Variants in NELL2 observed in about 807,000 individuals in gnomAD.
The protein encoded by NELL2 is protein kinase C-binding protein NELL2.
In NELL2, 41 loss-of-function variants were observed where a neutral mutation model predicts 109.6. The observed-to-expected ratio is 0.37, with a 90% CI of 0.29 to 0.49. NELL2 has a LOEUF of 0.49. Among genes scored for constraint, NELL2 ranks in the 20% least tolerant of loss-of-function variants. The pLI is 0.98. For synonymous variants in NELL2, 355 were observed against 344.7 expected (o/e 1.03, Z -0.33); for missense variants, 900 against 1,008.3 (o/e 0.89, Z 1.45).
chr12:44,881,738 G>A (rs1202704477), intron 1 of NELL2: 1 of 151,954 alleles, frequency 6.6e-6, no homozygotes. Context: ...AAGAAAGAAT[G>A]TTCTAAGATG....
At chr12:44,617,282 T>C (rs1945854286) in intron 13 of NELL2, among the ~76,000 whole-genome samples, 2 of 152,162 alleles carry the variant, frequency 1.3e-5, no homozygotes, top group Non-Finnish European at 1.5e-5. Context: ...ATAGTACATA[T>C]TCTAATTTCC....
At chr12:44,731,916 C>A (rs369401543) in intron 9 of NELL2, among the ~76,000 whole-genome samples, 1 of 151,796 alleles carries the variant, frequency 6.6e-6, no homozygotes, top group Non-Finnish European at 1.5e-5. Flanking sequence ...ATTGGTTGTG[C>A]GCCTAAACTC....
At chr12:44,905,573 G>T (rs1945710598) in intron 1 of NELL2, among the ~76,000 whole-genome samples, 1 of 152,042 alleles carries the variant, frequency 6.6e-6, no homozygotes, top group Non-Finnish European at 1.5e-5. Flanking sequence ...GATAAAAACT[G>T]ATGAATATAA....
At chr12:44,695,099 G>A (rs1949021362) in intron 12 of NELL2, among the ~76,000 whole-genome samples, 3 of 149,972 alleles carry the variant, frequency 2.0e-5, no homozygotes, top group Admixed American at 2.0e-4. Flanking sequence ...AGGAAGAGAG[G>A]GGGAGGGAGG....
intron 3 of NELL2, among the ~76,000 whole-genome samples, chr12:44,801,009 G>T (rs116534748): frequency 0.014 from 2,197 of 152,194 alleles, 51 homozygotes; most frequent in African/African-American, 0.05. Flanking sequence ...CACCCACTGA[G>T]GCGACATTTT....
chr12:44,793,071 T>C (rs1391985990), intron 3 of NELL2, among the ~76,000 whole-genome samples: 1 of 152,190 alleles, frequency 6.6e-6, no homozygotes, highest in Non-Finnish European at 1.5e-5. Flanking sequence ...TACCATAGTG[T>C]ACTATTAAGT....
rs143743860 is a variant in NELL2 at position 44,637,632 on chromosome 12, C to T, written c.1445-26662G>A. 1.2e-3 allele frequency among the ~76,000 whole-genome samples: 177 copies of T among 149,252 alleles called. 3 individuals carry two copies. The East Asian group carries it at 0.026, about 22-fold the overall frequency. ...AAAATTGTTACAAACAGAGGGAATA[C>T]GCGTGTAAAGACCTAACTGCGGGAA... is the stretch of plus-strand genomic sequence containing the variant. On this transcript the variant is annotated intron_variant, in intron 13 of 19. Coordinates refer to ENST00000429094, the MANE Select transcript of NELL2 (RefSeq NM_001145108.2).
intron 2 of NELL2, among the ~76,000 whole-genome samples, chr12:44,835,434 T>C (rs1233238127): frequency 5.3e-5 from 8 of 152,142 alleles, no homozygotes. Context: ...ACTTTCCAGA[T>C]GTGGATGGGA....
intron 15 of NELL2, among the ~76,000 whole-genome samples, chr12:44,534,318 T>C (rs1942208344): frequency 6.6e-6 from 1 of 152,080 alleles, no homozygotes; most frequent in Admixed American, 6.6e-5. Context: ...TATTAGGTAA[T>C]AGGCAAAAAA....
chr12:44,809,073 A>G (rs1490572956), intron 3 of NELL2, among the ~76,000 whole-genome samples: 5 of 152,052 alleles, frequency 3.3e-5, no homozygotes. Flanking sequence ...TTGTATATCT[A>G]AAGTCCAAGA....
chr12:44,797,450 G>T (rs1280914930), intron 3 of NELL2, among the ~76,000 whole-genome samples: 2 of 152,208 alleles, frequency 1.3e-5, no homozygotes, highest in Admixed American at 1.3e-4. Flanking sequence ...GGGTTTCATA[G>T]ATTCTACAAA....
At chr12:44,801,378 GATT>G (rs942332745) in intron 3 of NELL2, among the ~76,000 whole-genome samples, 3 of 151,978 alleles carry the variant, frequency 2.0e-5, no homozygotes, top group African/African-American at 4.8e-5. Context: ...AAAAATACAT[GATT>G]ATTATTATTA....
chr12:44,516,153 T>G (rs1941247207), intron 19 of NELL2, among the ~76,000 whole-genome samples: 1 of 152,018 alleles, frequency 6.6e-6, no homozygotes, highest in African/African-American at 2.4e-5. Flanking sequence ...TTCTAATATG[T>G]AATTAGAATA....
At chr12:44,687,187 A>C (rs1948749621) in intron 12 of NELL2, among the ~76,000 whole-genome samples, 1 of 152,084 alleles carries the variant, frequency 6.6e-6, no homozygotes, top group Non-Finnish European at 1.5e-5. Flanking sequence ...GTCTGTCACC[A>C]CTTTCTTTGA....
intron 19 of NELL2, among the ~76,000 whole-genome samples, chr12:44,516,911 T>TG (rs1941288151): frequency 6.6e-6 from 1 of 151,558 alleles, no homozygotes; most frequent in South Asian, 2.1e-4. Flanking sequence ...CTTTTTTTTT[T>TG]TTTTTGCTAA....
intron 9 of NELL2, among the ~76,000 whole-genome samples, chr12:44,744,973 T>C (rs576572362): frequency 1.3e-5 from 2 of 152,316 alleles, no homozygotes; most frequent in South Asian, 4.1e-4. Context: ...ATCATCCTGA[T>C]ACCAAAGCCT....
chr12:44,711,908 T>C (rs1339649944), intron 10 of NELL2, among the ~76,000 whole-genome samples: 2 of 152,092 alleles, frequency 1.3e-5, no homozygotes, highest in Non-Finnish European at 2.9e-5. Context: ...TTGTCTCTTG[T>C]AAATTAATGT....
chr12:44,678,476 G>A (rs1165793447), intron 12 of NELL2, among the ~76,000 whole-genome samples: 1 of 152,004 alleles, frequency 6.6e-6, no homozygotes, highest in Non-Finnish European at 1.5e-5. Flanking sequence ...ATCAGTGAAC[G>A]TTCACAACAT....
intron 15 of NELL2, among the ~76,000 whole-genome samples, chr12:44,561,168 T>C (rs1943454546): frequency 6.6e-6 from 1 of 152,182 alleles, no homozygotes; most frequent in Non-Finnish European, 1.5e-5. Context: ...TAGGAATTGA[T>C]GGAATGTATC....
Sources: allele counts gnomAD v4.1 joint callset (sites outside exome capture counted in the v4.1 genomes callset), GRCh38; gene constraint gnomAD v4.1.1; transcripts MANE v1.5; gene names NCBI Gene and HGNC (gene_info 2026-07-23, HGNC 2026-07-21).